NFATC1: variants seen among roughly 807,000 people sequenced by gnomAD.
NFATC1 encodes the protein nuclear factor of activated T-cells, cytoplasmic 1.
In NFATC1, 22 loss-of-function variants were observed where a neutral mutation model predicts 76.0. The ratio of observed to expected loss-of-function variants is 0.29; its 90% CI spans 0.21 to 0.41. The LOEUF is 0.41. NFATC1 is among the 10% of genes least tolerant of loss of function. The pLI, the probability that NFATC1 is intolerant of heterozygous loss-of-function variation, is 1.00. For missense variants in NFATC1, 1,357 were observed against 1,337.7 expected, an observed-to-expected ratio of 1.01 and a Z score of -0.23; for synonymous variants, 704 against 613.1, an observed-to-expected ratio of 1.15 and a Z score of -2.19.
intron 9 of NFATC1, among the ~76,000 whole-genome samples, chr18:79,514,014 G>A (rs1053490165): frequency 2.0e-5 from 3 of 152,216 alleles, no homozygotes; most frequent in Admixed American, 6.5e-5. Flanking sequence ...CACGGTGAGC[G>A]TGGACGTGCG....
chr18:79,437,805 G>A (rs1432302890), intron 3 of NFATC1, among the ~76,000 whole-genome samples: 8 of 152,188 alleles, frequency 5.3e-5, no homozygotes, highest in Non-Finnish European at 1.2e-4. Flanking sequence ...AGGAGTTCGC[G>A]AGTGCTCTGG....
At chr18:79,477,715 C>T (rs1298002630) in intron 8 of NFATC1, among the ~76,000 whole-genome samples, 1 of 152,206 alleles carries the variant, frequency 6.6e-6, no homozygotes, top group East Asian at 1.9e-4. Context: ...GGCTGGGCAC[C>T]TTGTAAACAA....
chr18:79,477,655 G>T (rs548764046), intron 8 of NFATC1, among the ~76,000 whole-genome samples: 1 of 151,566 alleles, frequency 6.6e-6, no homozygotes, highest in African/African-American at 2.4e-5. Flanking sequence ...AGAAGAAGGG[G>T]GTCCGGGGCA....
At chr18:79,515,565 C>T (rs1196051029) in intron 9 of NFATC1, among the ~76,000 whole-genome samples, 1 of 151,906 alleles carries the variant, frequency 6.6e-6, no homozygotes, top group Admixed American at 6.5e-5. Flanking sequence ...GAGCTTTTGA[C>T]CTCCTGCTGC....
rs918523972 is a variant in NFATC1, at chr18:79,473,899, G to A, written c.2092+6317G>A. Among the ~76,000 whole-genome samples the A allele has an allele frequency of 2.7e-5, 4 of 147,698 alleles. No individual in the cohort carries two copies. The South Asian group carries it at 6.5e-4, about 24-fold the overall frequency. ...GAAGCGTGTTCTCACACTCACTGTC[G>A]ACGTTGTGAGGGAAGCGTGTTCTCA... On this transcript the variant is annotated intron_variant, in intron 8 of 9. Coordinates refer to ENST00000427363, the MANE Select transcript of NFATC1 (RefSeq NM_001278669.2).
At chr18:79,431,425 T>C (rs2086584200) in intron 2 of NFATC1, among the ~76,000 whole-genome samples, 1 of 152,148 alleles carries the variant, frequency 6.6e-6, no homozygotes, top group African/African-American at 2.4e-5. Flanking sequence ...CGATCTTGGC[T>C]CACTGCCATC....
At chr18:79,448,495 C>T (rs1399575632) in intron 3 of NFATC1, 2 of 465,942 alleles carry the variant, frequency 4.3e-6, no homozygotes, top group Non-Finnish European at 7.7e-6. Flanking sequence ...GCACACGCCC[C>T]CTGCCAGCTT....
chr18:79,487,448 G>T (rs886228379), intron 9 of NFATC1, among the ~76,000 whole-genome samples: 1 of 152,248 alleles, frequency 6.6e-6, no homozygotes, highest in Non-Finnish European at 1.5e-5. Context: ...CCAGGAGCTC[G>T]CAGGGTGGCC....
At chr18:79,449,053 CG>C in intron 4 of NFATC1, 69 bp downstream of exon 4, 8 of 1,522,368 alleles carry the variant, frequency 5.3e-6, no homozygotes, top group East Asian at 2.3e-5. Context: ...CTCCCAGTCC[CG>C]GGGGGTCTGG....
intron 8 of NFATC1, chr18:79,470,130 CTGTGTCT>C (rs1195080367): frequency 2.4e-6 from 1 of 410,408 alleles, no homozygotes; most frequent in Non-Finnish European, 3.3e-6. Flanking sequence ...TGCTGTGCAT[CTGTGTCT>C]TGGGGTCCAG....
intron 9 of NFATC1, among the ~76,000 whole-genome samples, chr18:79,489,039 C>T (rs1195311216): frequency 2.0e-5 from 3 of 152,204 alleles, no homozygotes; most frequent in South Asian, 4.1e-4. Flanking sequence ...TTGACCCGCA[C>T]GGTGCTCAGG....
At chr18:79,397,501 C>A (rs1320130395) in intron 1 of NFATC1, among the ~76,000 whole-genome samples, 1 of 152,212 alleles carries the variant, frequency 6.6e-6, no homozygotes, top group East Asian at 1.9e-4. Context: ...GAGGGGGGTC[C>A]GTGTGGTCGG....
At chr18:79,413,162 G>C (rs2085757739) in intron 2 of NFATC1, among the ~76,000 whole-genome samples, 1 of 152,190 alleles carries the variant, frequency 6.6e-6, no homozygotes. Flanking sequence ...CATCACCGCG[G>C]AACTTCACTG....
chr18:79,399,794 A>G (rs2085123123), intron 1 of NFATC1, among the ~76,000 whole-genome samples: 1 of 151,916 alleles, frequency 6.6e-6, no homozygotes, highest in Non-Finnish European at 1.5e-5. Flanking sequence ...CGCGCCACGA[A>G]CCCAGCGGGA....
At chr18:79,461,876 T>G (rs1248774101) in intron 7 of NFATC1, among the ~76,000 whole-genome samples, 4 of 152,140 alleles carry the variant, frequency 2.6e-5, no homozygotes, top group Non-Finnish European at 5.9e-5. Context: ...GGCCACTGAT[T>G]GCGCCGACCT....
chr18:79,411,968 C>A (rs1239967934), intron 2 of NFATC1, among the ~76,000 whole-genome samples: 1 of 152,228 alleles, frequency 6.6e-6, no homozygotes, highest in Admixed American at 6.5e-5. Flanking sequence ...CCGCTTCCTC[C>A]CCTGCAGTAA....
Position 79,502,134 on chromosome 18 carries a change from A to G in NFATC1, c.2782+15197A>G, listed in dbSNP as rs189655981. 3.0e-3 allele frequency among the ~76,000 whole-genome samples: 450 copies of G among 152,366 alleles called. 6 individuals carry two copies. The highest frequency in any genetic ancestry group is 8.5e-4 in the Non-Finnish European group (58 of 68,034). ...TCTGTGAAGCTATAATAATCAAGAC[A>G]GTGTGGTATTGGCATAGGACACATA... is the stretch of plus-strand genomic sequence containing the variant. On this transcript the variant is annotated intron_variant, in intron 9 of 9. Transcript: ENST00000427363.
chr18:79,520,884 GTGTC>G lies in NFATC1; in HGVS notation c.2783-6640_2783-6637del, dbSNP rs1300522424. 1.2e-3 allele frequency among the ~76,000 whole-genome samples: 133 copies of G among 113,176 alleles called. 1 individual carries two copies. The highest frequency in any genetic ancestry group is 4.5e-3 in the African/African-American group (131 of 28,934). The allele number at this position is 113,176 out of a possible 152,430, so 74.2% of individuals were successfully genotyped here. On this transcript the variant is annotated intron_variant, in intron 9 of 9. Transcript: ENST00000427363. Reference sequence around the variant, plus strand: ...GTGGGGGGGGCATCCACTGGTGTGTGTGTCTGTGTGTGTGTAGGAGGGGAGCATC... The same window carrying G: ...GTGGGGGGGGCATCCACTGGTGTGTGTGTGTGTGTGTAGGAGGGGAGCATC...
At chr18:79,520,972 C>T (rs2090534023) in intron 9 of NFATC1, among the ~76,000 whole-genome samples, 1 of 64,006 alleles carries the variant, frequency 1.6e-5, no homozygotes, top group African/African-American at 6.7e-5. Flanking sequence ...TGTGGGGGGG[C>T]ATCCGCTGAT....
Sources: allele counts gnomAD v4.1 joint callset (sites outside exome capture counted in the v4.1 genomes callset), GRCh38; gene constraint gnomAD v4.1.1; transcripts MANE v1.5; gene names NCBI Gene and HGNC (gene_info 2026-07-23, HGNC 2026-07-21).